SGCZ: variants seen among roughly 807,000 people sequenced by gnomAD.
SGCZ encodes zeta-sarcoglycan.
Under a neutral mutation model 41.3 loss-of-function variants are expected in SGCZ, and 40 were observed. The observed-to-expected ratio is 0.97, with a 90% CI of 0.75 to 1.26. The LOEUF is 1.26. Among genes scored for constraint, SGCZ ranks in the 50% most tolerant of loss-of-function variants. The probability of loss-of-function intolerance (pLI) is 0.00; values close to 1 mark genes in which losing one functional copy is unlikely to be tolerated. For missense variants in SGCZ, 552 were observed against 369.8 expected, an observed-to-expected ratio of 1.49 and a Z score of -4.04; for synonymous variants, 206 against 137.5, an observed-to-expected ratio of 1.50 and a Z score of -3.49.
At chr8:14,569,527 A>G (rs946694967) in intron 1 of SGCZ, among the ~76,000 whole-genome samples, 1 of 152,148 alleles carries the variant, frequency 6.6e-6, no homozygotes, top group African/African-American at 2.4e-5. Context: ...CTCAGGAAGC[A>G]CTCTTCTAGA....
Position 14,749,175 on chromosome 8 carries a change from A to G in SGCZ, c.40-194249T>C, listed in dbSNP as rs186718052. ...CTGAGATTATATTTATAATTACCAA[A>G]TAAGCAAGATAAACCTAACCTGATT... On this transcript the variant is annotated intron_variant, in intron 1 of 7. Transcript: ENST00000382080. Among the ~76,000 whole-genome samples the G allele has an allele frequency of 4.5e-3, 688 of 152,304 alleles. 2 individuals are homozygous for G. The highest frequency in any genetic ancestry group is 0.011 in the East Asian group (57 of 5,182).
At chr8:15,199,848 A>G (rs1800840206) in intron 1 of SGCZ, among the ~76,000 whole-genome samples, 1 of 152,184 alleles carries the variant, frequency 6.6e-6, no homozygotes, top group Non-Finnish European at 1.5e-5. Flanking sequence ...TCTTGTTGAA[A>G]TGGGCAGAAT....
chr8:14,288,240 T>G (rs538586169), intron 3 of SGCZ, among the ~76,000 whole-genome samples: 39 of 152,290 alleles, frequency 2.6e-4, no homozygotes, highest in African/African-American at 9.4e-4. Flanking sequence ...TTAATTTAGC[T>G]TTGTATTAGC....
chr8:14,526,614 T>G (rs1802958242), intron 2 of SGCZ, among the ~76,000 whole-genome samples: 1 of 152,142 alleles, frequency 6.6e-6, no homozygotes, highest in Admixed American at 6.5e-5. Context: ...TATCTATTTT[T>G]CATGTTAGTG....
intron 1 of SGCZ, among the ~76,000 whole-genome samples, chr8:14,573,563 A>C (rs1804623934): frequency 6.6e-6 from 1 of 152,088 alleles, no homozygotes; most frequent in Admixed American, 6.5e-5. Context: ...GCTATTAGAG[A>C]ATTTTTCATC....
At chr8:14,480,014 G>A (rs912264402) in intron 2 of SGCZ, among the ~76,000 whole-genome samples, 1 of 152,112 alleles carries the variant, frequency 6.6e-6, no homozygotes, top group African/African-American at 2.4e-5. Flanking sequence ...CAAAGCACCG[G>A]GATTACGGGC....
intron 1 of SGCZ, among the ~76,000 whole-genome samples, chr8:14,776,023 A>G (rs73531195): frequency 0.059 from 8,927 of 152,302 alleles, 897 homozygotes; most frequent in African/African-American, 0.2. Context: ...TACAAACAAT[A>G]TCATTATGAA....
chr8:15,227,650 T>C (rs1010309591), intron 1 of SGCZ, among the ~76,000 whole-genome samples: 7 of 152,248 alleles, frequency 4.6e-5, no homozygotes, highest in African/African-American at 1.7e-4. Context: ...GTTTTCTTAT[T>C]ATTTTTATTC....
chr8:15,033,347 G>C (rs1803755050), intron 1 of SGCZ, among the ~76,000 whole-genome samples: 1 of 151,762 alleles, frequency 6.6e-6, no homozygotes, highest in Admixed American at 6.6e-5. Context: ...CATGGCTCCA[G>C]GAACCAGGCT....
chr8:14,771,280 GA>G (rs1333154908), intron 1 of SGCZ, among the ~76,000 whole-genome samples: 1 of 152,028 alleles, frequency 6.6e-6, no homozygotes, highest in Admixed American at 6.6e-5. Context: ...GAGAGGGAAA[GA>G]AATAAACAAA....
intron 2 of SGCZ, among the ~76,000 whole-genome samples, chr8:14,522,444 A>G (rs1802818667): frequency 6.6e-6 from 1 of 151,950 alleles, no homozygotes; most frequent in Admixed American, 6.6e-5. Flanking sequence ...TGCTGTTTCA[A>G]TTTGGGTGAG....
At chr8:14,356,722 A>G (rs902597963) in intron 2 of SGCZ, among the ~76,000 whole-genome samples, 105 of 152,230 alleles carry the variant, frequency 6.9e-4, no homozygotes, top group African/African-American at 2.4e-3. Flanking sequence ...CTATTTGATT[A>G]TATATATTTT....
chr8:14,459,434 AAT>A (rs1346331316), intron 2 of SGCZ, among the ~76,000 whole-genome samples: 4 of 152,190 alleles, frequency 2.6e-5, no homozygotes, highest in African/African-American at 9.6e-5. Context: ...TAAAATAAAA[AAT>A]AAAAAAAGAA....
chr8:14,780,373 T>TC (rs1554498195), intron 1 of SGCZ, among the ~76,000 whole-genome samples: 1 of 103,092 alleles, frequency 9.7e-6, no homozygotes, highest in Non-Finnish European at 1.9e-5. Context: ...AGACTCCATC[T>TC]CAAAAAAAAA....
intron 4 of SGCZ, among the ~76,000 whole-genome samples, chr8:14,220,201 C>A (rs1261522495): frequency 1.3e-5 from 2 of 152,104 alleles, no homozygotes; most frequent in Non-Finnish European, 2.9e-5. Flanking sequence ...CCCAACTGAA[C>A]TGAACTGAAA....
intron 1 of SGCZ, among the ~76,000 whole-genome samples, chr8:14,794,642 G>A (rs1377966267): frequency 2.0e-5 from 3 of 152,272 alleles, no homozygotes; most frequent in Non-Finnish European, 4.4e-5. Flanking sequence ...TCATCAGAAT[G>A]TTTTGTAAAA....
At chr8:15,089,672 G>C (rs1305457473) in intron 1 of SGCZ, among the ~76,000 whole-genome samples, 4 of 152,120 alleles carry the variant, frequency 2.6e-5, no homozygotes, top group African/African-American at 9.7e-5. Flanking sequence ...ATCTGTGTGT[G>C]CCACAGCTCA....
intron 2 of SGCZ, among the ~76,000 whole-genome samples, chr8:14,498,069 G>A (rs78218372): frequency 0.014 from 2,139 of 152,216 alleles, 23 homozygotes; most frequent in Non-Finnish European, 0.021. Flanking sequence ...TCAGAGTGCT[G>A]ATATCATATT....
chr8:14,656,474 TTC>T (rs1445732725), intron 1 of SGCZ, among the ~76,000 whole-genome samples: 2 of 147,760 alleles, frequency 1.4e-5, no homozygotes, highest in East Asian at 4.0e-4. Context: ...TCGTTTTTTC[TTC>T]TCTTTCTCCC....
Sources: gnomAD v4.1 joint callset for allele counts (sites outside exome capture counted in the v4.1 genomes callset) on GRCh38, gnomAD v4.1.1 for gene constraint, MANE v1.5 for transcripts, NCBI Gene and HGNC (gene_info 2026-07-23, HGNC 2026-07-21) for gene names.